Variants in MTMR8 observed in about 807,000 individuals in gnomAD.
The protein encoded by MTMR8 is phosphatidylinositol-3,5-bisphosphate 3-phosphatase MTMR8.
A neutral mutation model predicts 39.3 loss-of-function variants in MTMR8; 65 were observed. The observed-to-expected ratio is 1.65, with a 90% CI of 1.35 to 2.03. The LOEUF is 2.03. MTMR8 is among the 30% of genes most tolerant of loss of function. MTMR8 has a pLI of 0.00. For synonymous variants in MTMR8, 245 were observed against 185.2 expected, an observed-to-expected ratio of 1.32 and a Z score of -2.62; for missense variants, 777 against 538.9, an observed-to-expected ratio of 1.44 and a Z score of -4.37.
intron 10 of MTMR8, among the ~76,000 whole-genome samples, chrX:64,334,674 A>G (rs571055559): frequency 9.3e-6 from 1 of 107,701 alleles, no homozygotes; most frequent in South Asian, 4.2e-4. Flanking sequence ...ACACCCTTTG[A>G]CCCAGCCACA....
intron 12 of MTMR8, among the ~76,000 whole-genome samples, chrX:64,289,238 C>A (rs1049452102): frequency 1.8e-5 from 2 of 110,421 alleles, no homozygotes; most frequent in Non-Finnish European, 3.8e-5. Context: ...AGAATGGCTA[C>A]TATCCCAATA....
At chrX:64,285,580 A>T (rs1183409855) in intron 12 of MTMR8, among the ~76,000 whole-genome samples, 1 of 111,322 alleles carries the variant, frequency 9.0e-6, no homozygotes, top group Non-Finnish European at 1.9e-5. Context: ...GAAGTAAAAC[A>T]CTCCTCAGCA....
intron 1 of MTMR8, among the ~76,000 whole-genome samples, chrX:64,377,069 G>T (rs1317733272): frequency 8.9e-6 from 1 of 112,565 alleles, no homozygotes; most frequent in Non-Finnish European, 1.9e-5. Flanking sequence ...CAAAGGGCAA[G>T]AGTTGAGGCC....
chrX:64,274,703 C>T (rs1931833726), intron 12 of MTMR8, among the ~76,000 whole-genome samples: 1 of 112,101 alleles, frequency 8.9e-6, no homozygotes, highest in Admixed American at 9.5e-5. Flanking sequence ...TATATACATA[C>T]ATAATGGAAT....
chrX:64,390,555 T>TG (rs1242690529), intron 1 of MTMR8, among the ~76,000 whole-genome samples: 1 of 112,381 alleles, frequency 8.9e-6, no homozygotes, highest in Non-Finnish European at 1.9e-5. Flanking sequence ...TTTTCACATC[T>TG]GTGAAATGAG....
chrX:64,307,872 A>T (rs1922170953), intron 12 of MTMR8, among the ~76,000 whole-genome samples: 1 of 112,395 alleles, frequency 8.9e-6, no homozygotes, highest in Non-Finnish European at 1.9e-5. Flanking sequence ...TAATTTCTTT[A>T]TCAGCATTTT....
chrX:64,338,843 TGA>T (rs973807768), intron 8 of MTMR8, among the ~76,000 whole-genome samples: 3 of 111,008 alleles, frequency 2.7e-5, no homozygotes, highest in Non-Finnish European at 5.7e-5. Flanking sequence ...CAGGACAGAG[TGA>T]GAGACTAGTC....
chrX:64,380,781 TC>T (rs1160173987), intron 1 of MTMR8, among the ~76,000 whole-genome samples: 1 of 111,161 alleles, frequency 9.0e-6, no homozygotes, highest in African/African-American at 3.3e-5. Context: ...TTTGTGATGT[TC>T]CCCTTGCTGT....
chrX:64,356,239 C>T lies in MTMR8; in HGVS notation c.247G>A (p.Val83Ile), dbSNP rs765753453. The T allele has an allele frequency of 1.7e-6, 2 of 1,208,778 alleles. No individual in the cohort carries two copies. Among genetic ancestry groups the T allele is most frequent in the Non-Finnish European group, 2.2e-6 (2 of 894,100 alleles). The part of the protein sequence containing the change: ...RCKNFRVAHF[V>I]LDSDLVCHEV... ...TGGCACACAAGGTCAGAATCTAAAA[C>T]AAAGTGGGCCACCCGGAAATTCTTG... Residue 83 changes from valine (V) to isoleucine (I), a missense_variant, in exon 3 of 14, where the codon GTT becomes ATT. Coordinates refer to ENST00000374852, the MANE Select transcript of MTMR8 (RefSeq NM_017677.4).
chrX:64,281,555 A>G (rs987600923), intron 12 of MTMR8, among the ~76,000 whole-genome samples: 29 of 112,279 alleles, frequency 2.6e-4, no homozygotes, highest in African/African-American at 8.7e-4. Context: ...TTAACTCAAG[A>G]TGGATTAAAT....
intron 12 of MTMR8, among the ~76,000 whole-genome samples, chrX:64,302,459 A>G (rs1337179007): frequency 9.0e-6 from 1 of 111,588 alleles, no homozygotes; most frequent in Non-Finnish European, 1.9e-5. Context: ...GCCTGCGCCC[A>G]CTGTCTGGCA....
chrX:64,292,998 G>T (rs141711911), intron 12 of MTMR8, among the ~76,000 whole-genome samples: 2 of 110,929 alleles, frequency 1.8e-5, no homozygotes, highest in African/African-American at 3.3e-5. Context: ...CCTTATAAAG[G>T]CCTGGGAAGA....
At chrX:64,345,278 C>T (rs1233882598) in intron 6 of MTMR8, 101 bp from the exon 7 acceptor site, 8 of 867,162 alleles carry the variant, frequency 9.2e-6, no homozygotes, top group Non-Finnish European at 1.1e-5. Flanking sequence ...AAATCCTACC[C>T]AATTAAAAAG....
chrX:64,379,763 G>C (rs1450166701), intron 1 of MTMR8, among the ~76,000 whole-genome samples: 1 of 111,370 alleles, frequency 9.0e-6, no homozygotes. Flanking sequence ...TGAACTTTTT[G>C]GGGGACACAA....
chrX:64,346,848 G>A (rs1443663519), intron 6 of MTMR8, among the ~76,000 whole-genome samples: 1 of 110,852 alleles, frequency 9.0e-6, no homozygotes, highest in Non-Finnish European at 1.9e-5. Flanking sequence ...TAAAGATACA[G>A]ACGCGATTAA....
chrX:64,368,714 C>A (rs1924046127), intron 1 of MTMR8, among the ~76,000 whole-genome samples: 1 of 111,816 alleles, frequency 8.9e-6, no homozygotes, highest in African/African-American at 3.3e-5. Context: ...GACTTCAGGA[C>A]TAAATCACCA....
chrX:64,380,716 G>A (rs1287726325), intron 1 of MTMR8, among the ~76,000 whole-genome samples: 1 of 111,444 alleles, frequency 9.0e-6, no homozygotes, highest in East Asian at 2.8e-4. Flanking sequence ...TTAACATTAG[G>A]TATATCTCCT....
intron 3 of MTMR8, 101 bp downstream of exon 3, chrX:64,356,075 C>T: frequency 1.2e-6 from 1 of 852,066 alleles, no homozygotes; most frequent in Non-Finnish European, 1.7e-6. Flanking sequence ...TGGTACAGCC[C>T]AGATCCAAAC....
chrX:64,355,276 G>T (rs1393181394), intron 3 of MTMR8, among the ~76,000 whole-genome samples: 1 of 111,780 alleles, frequency 8.9e-6, no homozygotes, highest in Non-Finnish European at 1.9e-5. Flanking sequence ...TTTTTAACTG[G>T]GCTCCCATGT....
Sources: gnomAD v4.1 joint callset for allele counts (sites outside exome capture counted in the v4.1 genomes callset) on GRCh38, gnomAD v4.1.1 for gene constraint, MANE v1.5 for transcripts, NCBI Gene and HGNC (gene_info 2026-07-23, HGNC 2026-07-21) for gene names.